Variants in CBFB observed in about 807,000 individuals in gnomAD.
CBFB encodes the protein CBF-beta.
A neutral mutation model predicts 30.4 loss-of-function variants in CBFB; 9 were observed. The ratio of observed to expected loss-of-function variants is 0.30; its 90% confidence interval spans 0.18 to 0.52. The LOEUF (loss-of-function observed/expected upper bound fraction) is 0.52, where lower values mean the gene tolerates loss of function less well. Ranked by LOEUF, CBFB falls within the 20% of genes least tolerant of loss-of-function variation. The pLI, the probability that CBFB is intolerant of heterozygous loss-of-function variation, is 0.97. For synonymous variants in CBFB, 94 were observed against 84.0 expected (o/e 1.12, Z -0.65); for missense variants, 170 against 244.0 (o/e 0.70, Z 2.02).
At chr16:67,084,165 CAAAAAAAAAAA>C (rs368748767) in intron 5 of CBFB, among the ~76,000 whole-genome samples, 4 of 54,328 alleles carry the variant, frequency 7.4e-5, no homozygotes, top group South Asian at 1.5e-3. Context: ...GACCCTACCT[CAAAAAAAAAAA>C]AAAAAAAAAA....
chr16:67,066,563 C>CA, intron 3 of CBFB, 119 bp from the exon 4 acceptor site: 1 of 535,754 alleles, frequency 1.9e-6, no homozygotes, highest in Non-Finnish European at 3.4e-6. Context: ...CCATCTCAAT[C>CA]AATCAGTCAA....
rs1422417404 is a variant in CBFB, at chr16:67,029,331, G to A, written c.-77G>A. 4 of 1,048,896 alleles carry A rather than the reference G, an allele frequency of 3.8e-6. No homozygotes were observed. Among genetic ancestry groups the A allele is most frequent in the African/African-American group, 1.7e-5 (1 of 59,080 alleles). The allele number at this position is 1,048,896 out of a possible 1,614,324, so 65.0% of individuals were successfully genotyped here. ...GGGCGCCGCGGGTGGGCGGTCAGTC[G>A]GTCAGCGCGGAGCCAGCCAGCGGGT... On this transcript the variant is annotated 5_prime_UTR_variant, in exon 1 of 6. Transcript: ENST00000412916.
chr16:67,058,180 G>A (rs1026287245), intron 3 of CBFB, among the ~76,000 whole-genome samples: 2 of 151,870 alleles, frequency 1.3e-5, no homozygotes. Flanking sequence ...TTGCTCTGTC[G>A]CCCAGGCTGG....
At chr16:67,095,360 A>G (rs1962014607) in intron 5 of CBFB, among the ~76,000 whole-genome samples, 1 of 152,094 alleles carries the variant, frequency 6.6e-6, no homozygotes, top group South Asian at 2.1e-4. Context: ...GTACTAAAAT[A>G]CAAAAAATTA....
chr16:67,051,596 G>GT (rs941801391), intron 3 of CBFB, among the ~76,000 whole-genome samples: 2 of 151,720 alleles, frequency 1.3e-5, no homozygotes, highest in African/African-American at 4.8e-5. Context: ...AACTAAATTA[G>GT]TTTTCTAAGT....
At position 67,099,899 on chromosome 16, in the gene CBFB, T is replaced by A. The variant is rs1567628952; in HGVS notation, c.*1121T>A. ...ATGCTGGGTGATGAAAGATTAGTTT[T>A]AGAGAGAAAATGTTCATCTGTGCAG... On this transcript the variant is annotated 3_prime_UTR_variant, in exon 6 of 6. Coordinates refer to ENST00000412916, the MANE Select transcript of CBFB (RefSeq NM_022845.3). 2 of 211,756 alleles carry A rather than the reference T, an allele frequency of 9.4e-6. No homozygotes were observed. 13.1% of individuals were successfully genotyped at this position (211,756 alleles called of 1,614,324 possible).
At chr16:67,085,359 G>A (rs1295999157) in intron 5 of CBFB, among the ~76,000 whole-genome samples, 3 of 152,000 alleles carry the variant, frequency 2.0e-5, no homozygotes, top group Admixed American at 1.3e-4. Flanking sequence ...TAGTAGACAC[G>A]AGGTTTCACC....
In CBFB at chr16:67,066,827, T is replaced by C. The variant is rs774790116; in HGVS notation, c.399+29T>C. On this transcript the variant is annotated intron_variant, in intron 4 of 5. Coordinates refer to ENST00000412916, the MANE Select transcript of CBFB (RefSeq NM_022845.3). ...GGGTAACATCAGGCTTTATTGAGCA[T>C]GGTCCCTTTAGTCCCTAATCTTGCC... The C allele has an allele frequency of 2.3e-6, 3 of 1,308,016 alleles. No individual in the cohort carries two copies. In the African/African-American group the frequency reaches 4.4e-5, roughly 19 times the overall value. The allele number at this position is 1,308,016 out of a possible 1,614,324, so 81.0% of individuals were successfully genotyped here.
chr16:67,034,085 C>T (rs1199716080), intron 2 of CBFB, among the ~76,000 whole-genome samples: 6 of 152,124 alleles, frequency 3.9e-5, no homozygotes, highest in Non-Finnish European at 5.9e-5. Context: ...GTGTTGGCCT[C>T]CCAAAGTGCT....
intron 3 of CBFB, among the ~76,000 whole-genome samples, chr16:67,048,501 T>G (rs1966670658): frequency 6.6e-6 from 1 of 152,176 alleles, no homozygotes; most frequent in Non-Finnish European, 1.5e-5. Flanking sequence ...AAGTTAAAAA[T>G]TGAAACGAAA....
intron 4 of CBFB, among the ~76,000 whole-genome samples, chr16:67,072,473 C>CT (rs892540810): frequency 1.9e-4 from 28 of 144,236 alleles, no homozygotes; most frequent in South Asian, 2.2e-4. Flanking sequence ...CTTTTTTTTT[C>CT]TTTTTTTTTT....
chr16:67,047,166 G>A (rs1966641772), intron 3 of CBFB, among the ~76,000 whole-genome samples: 1 of 151,646 alleles, frequency 6.6e-6, no homozygotes, highest in Middle Eastern at 3.4e-3. Context: ...AAAAAAATTA[G>A]CCAGGCATAA....
At chr16:67,044,168 T>C (rs1966582543) in intron 3 of CBFB, among the ~76,000 whole-genome samples, 2 of 152,202 alleles carry the variant, frequency 1.3e-5, no homozygotes, top group African/African-American at 4.8e-5. Flanking sequence ...TTTTTACATG[T>C]ATTCTGTGTC....
intron 3 of CBFB, among the ~76,000 whole-genome samples, chr16:67,039,543 A>T (rs578224708): frequency 2.6e-5 from 4 of 152,194 alleles, no homozygotes; most frequent in African/African-American, 9.6e-5. Flanking sequence ...AATTTTTCAG[A>T]TTCATTATAA....
intron 3 of CBFB, among the ~76,000 whole-genome samples, chr16:67,045,498 CAG>C (rs532296363): frequency 1.9e-4 from 29 of 150,664 alleles, no homozygotes; most frequent in African/African-American, 6.8e-4. Flanking sequence ...GCCTGGGCAA[CAG>C]AGCAAGACTC....
At chr16:67,072,863 T>G (rs1453072514) in intron 4 of CBFB, among the ~76,000 whole-genome samples, 1 of 151,810 alleles carries the variant, frequency 6.6e-6, no homozygotes, top group African/African-American at 2.4e-5. Context: ...CTCAAGCTCC[T>G]GCCGTGCTTG....
chr16:67,075,812 A>G (rs1327978356), intron 4 of CBFB, among the ~76,000 whole-genome samples: 1 of 152,216 alleles, frequency 6.6e-6, no homozygotes, highest in African/African-American at 2.4e-5. Flanking sequence ...CCTCAAAAAT[A>G]TTGAGAGTAC....
chr16:67,051,476 C>G (rs1966738114), intron 3 of CBFB, among the ~76,000 whole-genome samples: 1 of 150,478 alleles, frequency 6.6e-6, no homozygotes, highest in African/African-American at 2.4e-5. Context: ...TAATATATTG[C>G]TATATATATA....
At chr16:67,055,485 C>A (rs766200673) in intron 3 of CBFB, among the ~76,000 whole-genome samples, 2 of 150,782 alleles carry the variant, frequency 1.3e-5, no homozygotes, top group Non-Finnish European at 2.9e-5. Context: ...CCTGCCTCAG[C>A]CTACTGAGTA....
Sources: allele counts gnomAD v4.1 joint callset (sites outside exome capture counted in the v4.1 genomes callset), GRCh38; gene constraint gnomAD v4.1.1; transcripts MANE v1.5; gene names NCBI Gene and HGNC (gene_info 2026-07-23, HGNC 2026-07-21).